Variants in SRC observed in about 807,000 individuals in gnomAD.
SRC encodes the protein proto-oncogene tyrosine-protein kinase Src.
Under a neutral mutation model 62.9 loss-of-function variants are expected in SRC, and 13 were observed. The observed-to-expected ratio is 0.21, with a 90% confidence interval of 0.13 to 0.33. The LOEUF (loss-of-function observed/expected upper bound fraction) is 0.33. Ranked by LOEUF, SRC falls within the 10% of genes least tolerant of loss-of-function variation. The probability of loss-of-function intolerance (pLI) is 1.00; values close to 1 mark genes in which losing one functional copy is unlikely to be tolerated. For synonymous variants in SRC, 302 were observed against 317.5 expected, an observed-to-expected ratio of 0.95 and a Z score of 0.52; for missense variants, 457 against 737.3, an observed-to-expected ratio of 0.62 and a Z score of 4.40.
intron 2 of SRC, among the ~76,000 whole-genome samples, chr20:37,368,518 CTTTTTTT>C (rs1352624429): frequency 7.3e-4 from 54 of 73,910 alleles, no homozygotes; most frequent in South Asian, 1.8e-3. Context: ...CCTATATTTT[CTTTTTTT>C]TTTTTTTTTT....
At chr20:37,374,215 G>A (rs1419038945) in intron 2 of SRC, among the ~76,000 whole-genome samples, 1 of 151,714 alleles carries the variant, frequency 6.6e-6, no homozygotes, top group Non-Finnish European at 1.5e-5. Context: ...GAGTAGCTAG[G>A]ACTACAGGTG....
intron 2 of SRC, among the ~76,000 whole-genome samples, chr20:37,373,326 A>G (rs73297391): frequency 0.21 from 31,477 of 148,186 alleles, 4,838 homozygotes; most frequent in African/African-American, 0.45. Context: ...ATGTACACAC[A>G]TACACACATG....
chr20:37,354,073 G>T (rs1048998639), intron 1 of SRC, among the ~76,000 whole-genome samples: 1 of 152,146 alleles, frequency 6.6e-6, no homozygotes, highest in African/African-American at 2.4e-5. Context: ...TATTAACCTG[G>T]GGAAGAAGGG....
intron 5 of SRC, among the ~76,000 whole-genome samples, chr20:37,386,904 AGAGT>A (rs1203971273): frequency 6.6e-6 from 1 of 152,264 alleles, no homozygotes; most frequent in Admixed American, 6.5e-5. Flanking sequence ...GGGCGAGCCC[AGAGT>A]CGGCTCCTGG....
chr20:37,370,634 T>C (rs1271515253), intron 2 of SRC, among the ~76,000 whole-genome samples: 1 of 152,244 alleles, frequency 6.6e-6, no homozygotes, highest in African/African-American at 2.4e-5. Flanking sequence ...TCATGGCATC[T>C]AATTCTTTTC....
chr20:37,373,273 C>G (rs1318006415), intron 2 of SRC, among the ~76,000 whole-genome samples: 1 of 123,858 alleles, frequency 8.1e-6, no homozygotes, highest in Non-Finnish European at 1.8e-5. Flanking sequence ...CATACGCACA[C>G]ACACACACAC....
At chr20:37,369,148 G>T (rs917176604) in intron 2 of SRC, among the ~76,000 whole-genome samples, 5 of 152,182 alleles carry the variant, frequency 3.3e-5, no homozygotes, top group African/African-American at 1.2e-4. Flanking sequence ...TTTTCTTAAA[G>T]ACTGTTTGGC....
chr20:37,375,350 G>A (rs2070260288), intron 2 of SRC, among the ~76,000 whole-genome samples: 1 of 151,962 alleles, frequency 6.6e-6, no homozygotes, highest in Admixed American at 6.6e-5. Context: ...TCTCACTTCA[G>A]CCTCCTGCGT....
intron 1 of SRC, among the ~76,000 whole-genome samples, chr20:37,350,481 C>T (rs1826446437): frequency 6.6e-6 from 1 of 152,112 alleles, no homozygotes; most frequent in African/African-American, 2.4e-5. Flanking sequence ...ACCTTAGGTC[C>T]CCACCTGGTG....
intron 5 of SRC, among the ~76,000 whole-genome samples, chr20:37,390,388 C>A (rs201969360): frequency 1.2e-5 from 1 of 85,658 alleles, no homozygotes; most frequent in Non-Finnish European, 2.4e-5. Context: ...TCTGATCTGG[C>A]TTTTTTTTTT....
chr20:37,399,680 T>C (rs1232062585), intron 9 of SRC, among the ~76,000 whole-genome samples: 1 of 151,982 alleles, frequency 6.6e-6, no homozygotes, highest in Non-Finnish European at 1.5e-5. Flanking sequence ...GAGTATCCAG[T>C]ATTACAGGCA....
chr20:37,361,399 A>C (rs533903767), intron 1 of SRC, among the ~76,000 whole-genome samples: 51 of 152,076 alleles, frequency 3.4e-4, no homozygotes, highest in Admixed American at 3.3e-3. Context: ...TCCTGTGACC[A>C]CACAGCCAGG....
intron 1 of SRC, among the ~76,000 whole-genome samples, chr20:37,349,199 A>AAAC (rs1456323517): frequency 6.6e-6 from 1 of 152,170 alleles, no homozygotes; most frequent in Non-Finnish European, 1.5e-5. Flanking sequence ...GGACTCCAAA[A>AAAC]TTTTATGGAG....
At chr20:37,372,186 T>G (rs921944206) in intron 2 of SRC, among the ~76,000 whole-genome samples, 22 of 110,944 alleles carry the variant, frequency 2.0e-4, no homozygotes, top group African/African-American at 5.4e-4. Context: ...GTGTGTGTGT[T>G]TTTTAGAGAT....
Position 37,403,144 on chromosome 20 carries a change from G to T in SRC, c.1403-27G>T. 6.6e-7 allele frequency: 1 copy of T among 1,512,184 alleles called. No homozygotes were observed. The highest frequency in any genetic ancestry group is 8.8e-7 in the Non-Finnish European group (1 of 1,130,716). The allele number at this position is 1,512,184 out of a possible 1,614,324, so 93.7% of individuals were successfully genotyped here. ...ACCCCACTTTCCTCACCGGAGCCGG[G>T]CTCCCCATGCCTCGCTCTGCCCACA... On this transcript the variant is annotated intron_variant, in intron 13 of 13. Coordinates refer to ENST00000373578, the MANE Select transcript of SRC (RefSeq NM_198291.3). The surrounding 1 kb of genome is among the most constrained non-coding windows in gnomAD (Gnocchi z 7.1).
Position 37,405,168 on chromosome 20 carries a change from C to T in SRC, c.*1789C>T, listed in dbSNP as rs532113009. On this transcript the variant is annotated 3_prime_UTR_variant, in exon 14 of 14. Transcript: ENST00000373578. ...TCAAATCTGGGCTCACTCACCCCAG[C>T]GAGCTCTCAAATCCCTCTCCAACTG... is the stretch of plus-strand genomic sequence containing the variant. The T allele has an allele frequency of 1.0e-3, 235 of 232,146 alleles. No homozygotes were observed. The highest frequency in any genetic ancestry group is 1.6e-3 in the South Asian group (9 of 5,510). The allele number at this position is 232,146 out of a possible 1,614,324, so 14.4% of individuals were successfully genotyped here.
chr20:37,402,784 G>A lies in SRC; in HGVS notation c.1306G>A (p.Ala436Thr), dbSNP rs1417607384. The change falls in exon 13 of 14, where the codon GCT (alanine) becomes ACT (threonine). Residue 436 changes from alanine to threonine, a missense_variant. Physicochemically the swap from Ala to Thr is moderately conservative, Grantham distance 58. This residue lies in a region of SRC where 168 missense variants were observed against 357.8 expected (regional missense o/e 0.47). Coordinates refer to ENST00000373578, the MANE Select transcript of SRC (RefSeq NM_198291.3). The surrounding 1 kb of genome is among the most constrained non-coding windows in gnomAD (Gnocchi z 6.2). ...CCCCATCAAGTGGACGGCTCCAGAA[G>A]CTGCCCTCTATGGCCGCTTCACCAT... ...KFPIKWTAPE[A>T]ALYGRFTIKS... is the part of the protein sequence containing the mutation. The A allele has an allele frequency of 6.2e-7, 1 of 1,613,870 alleles. No homozygotes were observed.
At position 37,403,275 on chromosome 20, in the gene SRC, C is replaced by A. The variant is rs564099857; in HGVS notation, c.1507C>A (p.Arg503=). Residue 503 remains arginine, a synonymous_variant, in exon 14 of 14, where the codon CGG becomes AGG. Transcript: ENST00000373578. The surrounding 1 kb of genome is among the most constrained non-coding windows in gnomAD (Gnocchi z 7.1). The part of the protein sequence containing the change: ...SLHDLMCQCW[R]KEPEERPTFE... ...GCACGACCTCATGTGCCAGTGCTGG[C>A]GGAAGGAGCCTGAGGAGCGGCCCAC... 6 of 1,598,260 alleles carry A rather than the reference C, an allele frequency of 3.8e-6. No homozygotes were observed. Among genetic ancestry groups the A allele is most frequent in the Non-Finnish European group, 3.4e-6 (4 of 1,173,254 alleles).
chr20:37,348,716 T>C (rs1463524756), intron 1 of SRC, among the ~76,000 whole-genome samples: 1 of 152,096 alleles, frequency 6.6e-6, no homozygotes, highest in Non-Finnish European at 1.5e-5. Context: ...TCCCAGAAGT[T>C]TGAATCTGGA....
Sources: gnomAD v4.1 joint callset for allele counts (sites outside exome capture counted in the v4.1 genomes callset) on GRCh38, gnomAD v4.1.1 for gene constraint, gnomAD v4.1.1 regional missense constraint, Gnocchi (gnomAD v3.1) non-coding constraint, MANE v1.5 for transcripts, NCBI Gene and HGNC (gene_info 2026-07-23, HGNC 2026-07-21) for gene names.